The following C12orf42 variants were observed in gnomAD, a reference collection of about 807,000 sequenced individuals.
The protein encoded by C12orf42 is uncharacterized protein C12orf42.
C12orf42 carries 25 observed loss-of-function variants against 21.6 expected under a neutral mutation model. The ratio of observed to expected loss-of-function variants is 1.16; its 90% CI spans 0.84 to 1.62. The LOEUF (loss-of-function observed/expected upper bound fraction) is 1.62. C12orf42 is among the 40% of genes most tolerant of loss of function. C12orf42 has a pLI of 0.00. For missense variants in C12orf42, 483 were observed against 459.3 expected, an observed-to-expected ratio of 1.05 and a Z score of -0.47; for synonymous variants, 174 against 175.0, an observed-to-expected ratio of 0.99 and a Z score of 0.05.
At chr12:103,341,486 A>G (rs1319139867) in intron 4 of C12orf42, among the ~76,000 whole-genome samples, 2 of 152,214 alleles carry the variant, frequency 1.3e-5, no homozygotes, top group Non-Finnish European at 2.9e-5. Context: ...ATAACAAAAC[A>G]AAGATTTACA....
intron 4 of C12orf42, among the ~76,000 whole-genome samples, chr12:103,287,553 T>G (rs545452159): frequency 2.4e-4 from 36 of 151,802 alleles, no homozygotes; most frequent in Admixed American, 4.6e-4. Context: ...CAGGGACTGT[T>G]GTGGGGTGGG....
At chr12:103,272,345 G>A (rs2035520942) in intron 5 of C12orf42, among the ~76,000 whole-genome samples, 1 of 152,110 alleles carries the variant, frequency 6.6e-6, no homozygotes, top group Non-Finnish European at 1.5e-5. Flanking sequence ...AGCTCTTAGT[G>A]TTTAGCATAT....
downstream of C12orf42, among the ~76,000 whole-genome samples, chr12:103,237,052 A>C (rs924975663): frequency 6.6e-6 from 1 of 152,214 alleles, no homozygotes; most frequent in Admixed American, 6.5e-5. Flanking sequence ...TTAAAGTTTT[A>C]AATAGTATAC....
chr12:103,407,138 T>A (rs2048481473), intron 2 of C12orf42, among the ~76,000 whole-genome samples: 1 of 152,118 alleles, frequency 6.6e-6, no homozygotes. Flanking sequence ...GCCTTCCTAG[T>A]CATAAAGCCT....
chr12:103,525,634 C>T, the C12orf42 span, among the ~76,000 whole-genome samples: 2 of 151,964 alleles, frequency 1.3e-5, no homozygotes, highest in African/African-American at 2.4e-5. Context: ...TTATAAGTAT[C>T]AATATTATTA....
At chr12:103,216,975 T>C in the C12orf42 span, among the ~76,000 whole-genome samples, 1 of 152,084 alleles carries the variant, frequency 6.6e-6, no homozygotes, top group Admixed American at 6.5e-5. Context: ...CCCAAGTAGC[T>C]GGGAATACAG....
At chr12:103,219,731 G>C in the C12orf42 span, among the ~76,000 whole-genome samples, 6 of 152,258 alleles carry the variant, frequency 3.9e-5, no homozygotes, top group Non-Finnish European at 8.8e-5. Flanking sequence ...ACACCAGTTA[G>C]AATGGCGATC....
At chr12:103,083,077 A>G in the C12orf42 span, among the ~76,000 whole-genome samples, 2 of 152,186 alleles carry the variant, frequency 1.3e-5, no homozygotes, top group African/African-American at 4.8e-5. Context: ...AAAGTAAAAA[A>G]TATATGACTG....
At chr12:103,146,495 GAAAGAAAGAGA>G in the C12orf42 span, among the ~76,000 whole-genome samples, 8 of 110,462 alleles carry the variant, frequency 7.2e-5, no homozygotes, top group Non-Finnish European at 1.4e-4. Context: ...AAAAAAAAAA[GAAAGAAAGAGA>G]AAAGAAAGAG....
At chr12:103,139,720 G>A in the C12orf42 span, among the ~76,000 whole-genome samples, 2 of 152,158 alleles carry the variant, frequency 1.3e-5, no homozygotes, top group Non-Finnish European at 2.9e-5. Context: ...GGAGGGCTTA[G>A]GGGCTGAGTC....
intron 2 of C12orf42, among the ~76,000 whole-genome samples, chr12:103,444,848 T>G (rs561574469): frequency 1.3e-5 from 2 of 152,214 alleles, no homozygotes; most frequent in Admixed American, 6.6e-5. Context: ...TTTCTTTAAA[T>G]GTCTTTTGCA....
intron 2 of C12orf42, among the ~76,000 whole-genome samples, chr12:103,406,164 G>A (rs2048414082): frequency 6.6e-6 from 1 of 152,106 alleles, no homozygotes; most frequent in Admixed American, 6.5e-5. Flanking sequence ...TACTAATCCA[G>A]GGCTTCTTAC....
the C12orf42 span, among the ~76,000 whole-genome samples, chr12:103,125,958 T>C: frequency 6.6e-6 from 1 of 152,182 alleles, no homozygotes; most frequent in Admixed American, 6.5e-5. Flanking sequence ...GGATGTAAGT[T>C]CAGGAGATCT....
chr12:103,430,765 A>G (rs1482972832), intron 2 of C12orf42, among the ~76,000 whole-genome samples: 1 of 152,246 alleles, frequency 6.6e-6, no homozygotes, highest in African/African-American at 2.4e-5. Flanking sequence ...CATATACACC[A>G]TGGAATACTA....
At chr12:103,265,196 C>T (rs528529605), downstream of C12orf42, among the ~76,000 whole-genome samples, 19 of 152,072 alleles carry the variant, frequency 1.2e-4, no homozygotes, top group Non-Finnish European at 2.2e-4. Flanking sequence ...CCCCAAGGTC[C>T]CACCCCCTAA....
chr12:103,449,638 G>T (rs1167072631), intron 2 of C12orf42, among the ~76,000 whole-genome samples: 2 of 151,560 alleles, frequency 1.3e-5, no homozygotes, highest in African/African-American at 4.9e-5. Flanking sequence ...ATTCCATTGG[G>T]CTATTTCTCT....
At chr12:103,269,300 A>G (rs1247022773) in intron 6 of C12orf42, among the ~76,000 whole-genome samples, 1 of 152,142 alleles carries the variant, frequency 6.6e-6, no homozygotes, top group Non-Finnish European at 1.5e-5. Context: ...CAAATGACAT[A>G]AAGCAGAGGT....
chr12:103,185,225 C>A, the C12orf42 span, among the ~76,000 whole-genome samples: 1 of 152,058 alleles, frequency 6.6e-6, no homozygotes, highest in Non-Finnish European at 1.5e-5. Flanking sequence ...TGGCTAAGGG[C>A]GACTCCTAGA....
At chr12:103,193,393 A>G in the C12orf42 span, among the ~76,000 whole-genome samples, 2 of 151,708 alleles carry the variant, frequency 1.3e-5, no homozygotes, top group Admixed American at 1.3e-4. Context: ...AATAAATGTC[A>G]AGGCAGAAAT....
Sources: allele counts gnomAD v4.1 joint callset (sites outside exome capture counted in the v4.1 genomes callset), GRCh38; gene constraint gnomAD v4.1.1; transcripts MANE v1.5; gene names NCBI Gene and HGNC (gene_info 2026-07-23, HGNC 2026-07-21).